The following CHRNA7 variants were observed in gnomAD, a reference collection of about 807,000 sequenced individuals.
CHRNA7 encodes neuronal acetylcholine receptor subunit alpha-7.
CHRNA7 carries 17 observed loss-of-function variants against 48.0 expected under a neutral mutation model. That is an observed-to-expected ratio of 0.35 (90% CI 0.24 to 0.53). The LOEUF is 0.53. CHRNA7 is among the 20% of genes least tolerant of loss of function. The pLI is 0.92. For synonymous variants in CHRNA7, 75 were observed against 242.3 expected (o/e 0.31, Z 6.41); for missense variants, 155 against 577.7 (o/e 0.27, Z 7.50).
At chr15:32,134,187 C>G (rs1419147951) in intron 4 of CHRNA7, among the ~76,000 whole-genome samples, 1 of 151,624 alleles carries the variant, frequency 6.6e-6, no homozygotes, top group Non-Finnish European at 1.5e-5. Flanking sequence ...GAGACTGAGT[C>G]TGGCTCTGTC....
At chr15:32,142,648 A>T (rs1269014658) in intron 4 of CHRNA7, among the ~76,000 whole-genome samples, 1 of 152,120 alleles carries the variant, frequency 6.6e-6, no homozygotes, top group East Asian at 1.9e-4. Flanking sequence ...TAGTCTTGGG[A>T]GGGTGCATGA....
Position 32,169,048 on chromosome 15 carries a change from A to AG in CHRNA7, c.*591dup, listed in dbSNP as rs957629492. ...TTTCTACATTAAAAAAAAAAAAAAA[A>AG]GACAGACTGTTGGTCTTACTAAGGA... On this transcript the variant is annotated 3_prime_UTR_variant, in exon 10 of 10. Transcript: ENST00000306901. The AG allele has an allele frequency of 7.2e-6, 1 of 138,658 alleles. No individual in the cohort carries two copies. The allele number at this position is 138,658 out of a possible 1,614,324, so 8.6% of individuals were successfully genotyped here.
intron 2 of CHRNA7, among the ~76,000 whole-genome samples, chr15:32,047,496 G>A (rs1321900316): frequency 6.6e-6 from 1 of 152,138 alleles, no homozygotes; most frequent in Non-Finnish European, 1.5e-5. Flanking sequence ...GTATAAGAAT[G>A]CTTGTGATTT....
At position 32,133,188 on chromosome 15, in the gene CHRNA7, A is replaced by G. The variant is rs368917197; in HGVS notation, c.351-20719A>G. Among the ~76,000 whole-genome samples, 384 of 152,336 alleles carry G rather than the reference A, an allele frequency of 2.5e-3. 1 individual carries two copies. Among genetic ancestry groups the G allele is most frequent in the African/African-American group, 9.0e-3 (373 of 41,574 alleles). On this transcript the variant is annotated intron_variant, in intron 4 of 9. Transcript: ENST00000306901. ...TGCATAGTAATCCCAGTGTCAGAAC[A>G]TCTTCTCCTTCCACTGCTGGGGATA...
intron 2 of CHRNA7, among the ~76,000 whole-genome samples, chr15:32,079,804 A>G (rs997883645): frequency 4.6e-5 from 7 of 151,882 alleles, no homozygotes; most frequent in Admixed American, 1.3e-4. Flanking sequence ...CTACTTTAAA[A>G]TTCATATTGA....
At chr15:32,113,827 G>A (rs1232325600) in intron 4 of CHRNA7, among the ~76,000 whole-genome samples, 1 of 149,118 alleles carries the variant, frequency 6.7e-6, no homozygotes, top group Non-Finnish European at 1.5e-5. Flanking sequence ...CATTCAGCCT[G>A]AGCAATGTAC....
At chr15:32,093,606 C>A (rs1020587978) in intron 2 of CHRNA7, among the ~76,000 whole-genome samples, 1 of 152,144 alleles carries the variant, frequency 6.6e-6, no homozygotes, top group Non-Finnish European at 1.5e-5. Flanking sequence ...AAACAAAAAT[C>A]AGTGGTGTTG....
chr15:32,065,810 T>C (rs1193560975), intron 2 of CHRNA7, among the ~76,000 whole-genome samples: 2 of 151,418 alleles, frequency 1.3e-5, no homozygotes, highest in African/African-American at 4.9e-5. Flanking sequence ...GTGTGGAAGG[T>C]GTGTCACAGC....
chr15:32,041,490 A>C (rs2049447239), intron 2 of CHRNA7, among the ~76,000 whole-genome samples: 1 of 152,228 alleles, frequency 6.6e-6, no homozygotes, highest in South Asian at 2.1e-4. Context: ...CCGGAGGCGG[A>C]GCTCAGGCAG....
At chr15:32,080,879 A>T (rs951475332) in intron 2 of CHRNA7, among the ~76,000 whole-genome samples, 2 of 152,208 alleles carry the variant, frequency 1.3e-5, no homozygotes, top group Admixed American at 6.5e-5. Flanking sequence ...AATAGCAAAG[A>T]CATGGAATCA....
intron 2 of CHRNA7, among the ~76,000 whole-genome samples, chr15:32,047,527 T>C (rs1375692626): frequency 3.3e-5 from 5 of 152,170 alleles, no homozygotes; most frequent in Non-Finnish European, 7.4e-5. Context: ...ATTTTGTATC[T>C]TGAGACTTTG....
At chr15:32,126,636 C>T (rs913422175) in intron 4 of CHRNA7, among the ~76,000 whole-genome samples, 3 of 152,186 alleles carry the variant, frequency 2.0e-5, no homozygotes, top group Non-Finnish European at 4.4e-5. Context: ...ATTTTTCACT[C>T]ATCCTGTTTT....
intron 1 of CHRNA7, 24 bp from the exon 2 acceptor site, chr15:32,030,874 C>G: frequency 1.2e-6 from 2 of 1,611,578 alleles, no homozygotes; most frequent in African/African-American, 2.7e-5. Context: ...CCTGAGCCCC[C>G]TGCCCGGGTC....
At chr15:32,127,988 G>A (rs2051097154) in intron 4 of CHRNA7, among the ~76,000 whole-genome samples, 3 of 151,940 alleles carry the variant, frequency 2.0e-5, no homozygotes, top group South Asian at 4.2e-4. Flanking sequence ...TCAATTTTTG[G>A]TATGATATCT....
chr15:32,072,856 A>AG (rs1187890454), intron 2 of CHRNA7, among the ~76,000 whole-genome samples: 6 of 152,230 alleles, frequency 3.9e-5, no homozygotes, highest in Admixed American at 1.3e-4. Context: ...TAGCTTTCAG[A>AG]GGATGTATGG....
At chr15:32,112,191 T>C (rs1181512480) in intron 4 of CHRNA7, 1 of 555,774 alleles carries the variant, frequency 1.8e-6, no homozygotes, top group Non-Finnish European at 3.4e-6. Flanking sequence ...TATTGGCACA[T>C]GGAGTATTCT....
At chr15:32,089,579 A>C (rs2050350915) in intron 2 of CHRNA7, among the ~76,000 whole-genome samples, 1 of 137,498 alleles carries the variant, frequency 7.3e-6, no homozygotes, top group African/African-American at 2.7e-5. Context: ...GTTTCTGCTG[A>C]TGTTACCCAA....
intron 2 of CHRNA7, among the ~76,000 whole-genome samples, chr15:32,032,302 T>C (rs1263170786): frequency 6.6e-6 from 1 of 152,176 alleles, no homozygotes; most frequent in African/African-American, 2.4e-5. Context: ...CAAAAGTTGC[T>C]GTTTATGGAG....
chr15:32,112,093 G>T (rs1284487892), intron 4 of CHRNA7, 194 bp downstream of exon 4: 1 of 632,034 alleles, frequency 1.6e-6, no homozygotes, highest in African/African-American at 1.8e-5. Context: ...CCCTGGTTTG[G>T]CATGCACACG....
Sources: allele counts gnomAD v4.1 joint callset (sites outside exome capture counted in the v4.1 genomes callset), GRCh38; gene constraint gnomAD v4.1.1; transcripts MANE v1.5; gene names NCBI Gene and HGNC (gene_info 2026-07-23, HGNC 2026-07-21).